Variants in FRAS1 observed in about 807,000 individuals in gnomAD.
FRAS1 encodes extracellular matrix organizing protein FRAS1.
FRAS1 carries 290 observed loss-of-function variants against 435.2 expected under a neutral mutation model. The observed-to-expected ratio is 0.67, with a 90% CI of 0.61 to 0.73. FRAS1 has a LOEUF of 0.73. FRAS1 is among the 30% of genes least tolerant of loss of function. FRAS1 has a pLI of 0.00. For missense variants in FRAS1, 4,860 were observed against 5,001.5 expected (o/e 0.97, Z 0.85); for synonymous variants, 1,800 against 1,851.0 (o/e 0.97, Z 0.71).
At chr4:78,477,643 G>C (rs1176207475) in intron 54 of FRAS1, among the ~76,000 whole-genome samples, 172 bp from the exon 55 acceptor site, 3 of 152,230 alleles carry the variant, frequency 2.0e-5, no homozygotes, top group Non-Finnish European at 4.4e-5. Flanking sequence ...AATGGGAAGA[G>C]GTGGCTGGGT....
intron 2 of FRAS1, among the ~76,000 whole-genome samples, chr4:78,155,683 C>T (rs765678848): frequency 4.6e-5 from 7 of 152,164 alleles, no homozygotes; most frequent in East Asian, 1.9e-4. Context: ...CACTGTGCTT[C>T]GTGTGGTCAG....
At chr4:78,432,802 G>A (rs762654689) in intron 38 of FRAS1, among the ~76,000 whole-genome samples, 198 bp downstream of exon 38, 1 of 152,208 alleles carries the variant, frequency 6.6e-6, no homozygotes, top group Non-Finnish European at 1.5e-5. Context: ...CTCATGAGCA[G>A]ACAAGTGAAT....
At chr4:78,506,755 C>A (rs1720858353) in intron 61 of FRAS1, among the ~76,000 whole-genome samples, 1 of 76,866 alleles carries the variant, frequency 1.3e-5, no homozygotes, top group Admixed American at 1.1e-4. Flanking sequence ...CCATGGGCTG[C>A]ACCAATGTCC....
intron 58 of FRAS1, among the ~76,000 whole-genome samples, chr4:78,483,059 G>C (rs1365860032): frequency 1.3e-5 from 2 of 152,134 alleles, no homozygotes; most frequent in Non-Finnish European, 2.9e-5. Context: ...TCCACATTTG[G>C]GGAACAGACC....
chr4:78,430,003 C>T (rs1208134066), intron 36 of FRAS1, among the ~76,000 whole-genome samples: 2 of 152,154 alleles, frequency 1.3e-5, no homozygotes, highest in Non-Finnish European at 2.9e-5. Flanking sequence ...CAGGGTTGAC[C>T]TACCTGTGGG....
chr4:78,118,800 G>A (rs906947784), intron 2 of FRAS1, among the ~76,000 whole-genome samples: 4 of 150,932 alleles, frequency 2.7e-5, no homozygotes, highest in African/African-American at 9.8e-5. Flanking sequence ...CCTTCGGCTT[G>A]CACTCGGTGC....
Position 78,369,990 on chromosome 4 carries a change from G to C in FRAS1, c.2869+6G>C. 6.2e-7 allele frequency: 1 copy of C among 1,611,926 alleles called. No individual in the cohort carries two copies. Among genetic ancestry groups the C allele is most frequent in the South Asian group, 1.1e-5 (1 of 90,666 alleles). Reference sequence around the variant, plus strand: ...CTCCACCAACACGTGCAAAGGTAAAGCTCTTCCTGAATTGTGTAAAGATTC... The same window carrying C: ...CTCCACCAACACGTGCAAAGGTAAACCTCTTCCTGAATTGTGTAAAGATTC... On this transcript the variant is annotated splice_donor_region_variant and intron_variant, in intron 23 of 73. Coordinates refer to ENST00000512123, the MANE Select transcript of FRAS1 (RefSeq NM_025074.7).
chr4:78,499,654 T>A, intron 60 of FRAS1, 67 bp from the exon 61 acceptor site: 1 of 1,425,954 alleles, frequency 7.0e-7, no homozygotes, highest in Non-Finnish European at 9.7e-7. Context: ...ATAAGGTGTT[T>A]TCCTGGGAGT....
intron 6 of FRAS1, among the ~76,000 whole-genome samples, chr4:78,262,622 A>G (rs1236111313): frequency 6.6e-6 from 1 of 152,118 alleles, no homozygotes; most frequent in East Asian, 1.9e-4. Context: ...ATCTCTTTCT[A>G]TATTTTCAAG....
At chr4:78,458,396 A>G (rs574437697) in intron 47 of FRAS1, among the ~76,000 whole-genome samples, 1 of 152,310 alleles carries the variant, frequency 6.6e-6, no homozygotes, top group South Asian at 2.1e-4. Flanking sequence ...CACCAGATAT[A>G]AATAGTTCTC....
intron 1 of FRAS1, among the ~76,000 whole-genome samples, chr4:78,058,893 C>T (rs1053463319): frequency 6.6e-6 from 1 of 152,216 alleles, no homozygotes; most frequent in African/African-American, 2.4e-5. Flanking sequence ...GGATGCCGGG[C>T]CTGGGGACGC....
chr4:78,302,918 A>C (rs1416736038), intron 14 of FRAS1, among the ~76,000 whole-genome samples: 1 of 152,214 alleles, frequency 6.6e-6, no homozygotes, highest in African/African-American at 2.4e-5. Flanking sequence ...TGTTTTAGAC[A>C]TGAAGTCCTT....
intron 15 of FRAS1, 56 bp downstream of exon 15, chr4:78,308,265 CTTG>C (rs1465072649): frequency 3.2e-6 from 5 of 1,564,202 alleles, no homozygotes; most frequent in Middle Eastern, 1.8e-4. Context: ...TCCAGCATCT[CTTG>C]TTGTATTCAA....
At position 78,284,598 on chromosome 4, in the gene FRAS1, C is replaced by T. The variant is rs6839334; in HGVS notation, c.1399+50C>T. 8.6e-3 allele frequency: 13,066 copies of T among 1,515,282 alleles called. 959 individuals are homozygous for T. In the African/African-American group the frequency reaches 0.16, roughly 18 times the overall value. The allele number at this position is 1,515,282 out of a possible 1,614,324, so 93.9% of individuals were successfully genotyped here. On this transcript the variant is annotated intron_variant, in intron 13 of 73. Transcript: ENST00000512123. ...GAGGTGGTGGTGTGTGGGAGATAGACTCATCAAAGGTTGTGATTCTTAAAC... is the reference window on the plus strand; with the variant it reads ...GAGGTGGTGGTGTGTGGGAGATAGATTCATCAAAGGTTGTGATTCTTAAAC...
At chr4:78,296,789 C>T (rs1728165833) in intron 14 of FRAS1, among the ~76,000 whole-genome samples, 1 of 152,058 alleles carries the variant, frequency 6.6e-6, no homozygotes, top group Non-Finnish European at 1.5e-5. Context: ...CTTTAATTTG[C>T]TCCCTTTAAA....
chr4:78,484,432 G>A (rs1720108591), intron 58 of FRAS1, among the ~76,000 whole-genome samples: 1 of 151,996 alleles, frequency 6.6e-6, no homozygotes, highest in Non-Finnish European at 1.5e-5. Context: ...TTTTTGTTCT[G>A]TAAACAAACA....
At chr4:78,230,079 G>A (rs562104448) in intron 2 of FRAS1, among the ~76,000 whole-genome samples, 13 of 152,308 alleles carry the variant, frequency 8.5e-5, no homozygotes, top group African/African-American at 3.1e-4. Context: ...TGTGATTCAT[G>A]CTGTTGTTTC....
In FRAS1 at chr4:78,192,673, A is replaced by G. The variant is rs140800728; in HGVS notation, c.109-44837A>G. On this transcript the variant is annotated intron_variant, in intron 2 of 73. Coordinates refer to ENST00000512123, the MANE Select transcript of FRAS1 (RefSeq NM_025074.7). ...TTGATTCTTCTCTCTTTTCTTCTTTATTAGTCTTGCTAGTGGTCTATCAGT... is the reference window on the plus strand; with the variant it reads ...TTGATTCTTCTCTCTTTTCTTCTTTGTTAGTCTTGCTAGTGGTCTATCAGT... Among the ~76,000 whole-genome samples the G allele has an allele frequency of 6.9e-3, 1,054 of 151,862 alleles. 10 individuals carry two copies. Among genetic ancestry groups the G allele is most frequent in the Middle Eastern group, 0.027 (8 of 294 alleles).
chr4:78,229,563 A>T (rs906579496), intron 2 of FRAS1, among the ~76,000 whole-genome samples: 1 of 152,156 alleles, frequency 6.6e-6, no homozygotes, highest in African/African-American at 2.4e-5. Flanking sequence ...CAGTCCCTTT[A>T]TCTGTAAATG....
Sources: allele counts gnomAD v4.1 joint callset (sites outside exome capture counted in the v4.1 genomes callset), GRCh38; gene constraint gnomAD v4.1.1; transcripts MANE v1.5; gene names NCBI Gene and HGNC (gene_info 2026-07-23, HGNC 2026-07-21).